Variants in MAFF observed in about 807,000 individuals in gnomAD.
The protein encoded by MAFF is MAF bZIP transcription factor F.
A neutral mutation model predicts 2.7 loss-of-function variants in MAFF; 4 were observed. That is an observed-to-expected ratio of 1.48 (90% CI 0.73 to 3.39). The LOEUF (loss-of-function observed/expected upper bound fraction) is 3.39. Ranked by LOEUF, MAFF falls within the 30% of genes most tolerant of loss-of-function variation. MAFF has a pLI of 0.01. For synonymous variants in MAFF, 113 were observed against 119.4 expected (o/e 0.95, Z 0.35); for missense variants, 190 against 246.6 (o/e 0.77, Z 1.54).
rs1178255992 is a variant in MAFF, at chr22:38,215,263, C to T, written c.*385C>T. 5.1e-6 allele frequency: 1 copy of T among 196,986 alleles called. No homozygotes were observed. The highest frequency in any genetic ancestry group is 2.4e-5 in the African/African-American group (1 of 42,060). The allele number at this position is 196,986 out of a possible 1,614,324, so 12.2% of individuals were successfully genotyped here. A position where few individuals can be genotyped will look rare whatever the true frequency, so the allele number is the denominator to read the frequency against. ...CTCCAAACCCTCCCAGGATTCAAAG[C>T]TAGGTTTGGCTGTCTGTGACTTACG... On this transcript the variant is annotated 3_prime_UTR_variant, in exon 3 of 3. Coordinates refer to ENST00000338483, the MANE Select transcript of MAFF (RefSeq NM_012323.4).
intron 1 of MAFF, among the ~76,000 whole-genome samples, chr22:38,210,652 G>T (rs1004040000): frequency 1.2e-4 from 18 of 151,644 alleles, no homozygotes; most frequent in Non-Finnish European, 2.2e-4. Flanking sequence ...GTGTGTGTGT[G>T]TGTGTGTGTC....
At chr22:38,207,921 G>A (rs1378664075) in intron 1 of MAFF, among the ~76,000 whole-genome samples, 3 of 152,118 alleles carry the variant, frequency 2.0e-5, no homozygotes, top group South Asian at 4.1e-4. Flanking sequence ...GGGAGGTGAC[G>A]GTGTGAAGGG....
chr22:38,210,623 A>AGAGTGTGT (rs149088492), intron 1 of MAFF, among the ~76,000 whole-genome samples: 4 of 132,920 alleles, frequency 3.0e-5, no homozygotes, highest in African/African-American at 5.7e-5. Flanking sequence ...GGACACAGGG[A>AGAGTGTGT]GTGTGTGTGT....
Position 38,210,835 on chromosome 22 carries a change from G to A in MAFF, c.-31-2988G>A, listed in dbSNP as rs576734876. On this transcript the variant is annotated intron_variant, in intron 1 of 2. Coordinates refer to ENST00000338483, the MANE Select transcript of MAFF (RefSeq NM_012323.4). ...AACACTTTGGGAGGCGGAGGCAGGCGGATCGCTTGAGCCAAGGAGTTCAAG... is the reference window on the plus strand; with the variant it reads ...AACACTTTGGGAGGCGGAGGCAGGCAGATCGCTTGAGCCAAGGAGTTCAAG... Among the ~76,000 whole-genome samples the A allele has an allele frequency of 1.6e-3, 246 of 152,150 alleles. 1 individual carries two copies. Among genetic ancestry groups the A allele is most frequent in the African/African-American group, 5.5e-3 (230 of 41,502 alleles).
chr22:38,211,504 C>T (rs576143147), intron 1 of MAFF, among the ~76,000 whole-genome samples: 3 of 143,566 alleles, frequency 2.1e-5, no homozygotes, highest in Admixed American at 7.0e-5. Context: ...GGATTACAGG[C>T]GTGAGCCACC....
chr22:38,208,029 G>C (rs982697483), intron 1 of MAFF, among the ~76,000 whole-genome samples: 2 of 152,162 alleles, frequency 1.3e-5, no homozygotes, highest in African/African-American at 4.8e-5. Context: ...CCTCCCCTTG[G>C]GTAAAGGGAG....
In MAFF at chr22:38,214,782, G is replaced by C; in HGVS notation, c.399G>C (p.Pro133=). 1.4e-6 allele frequency: 2 copies of C among 1,460,942 alleles called. No homozygotes were observed. The highest frequency in any genetic ancestry group is 9.0e-7 in the Non-Finnish European group (1 of 1,112,338). 90.5% of individuals were successfully genotyped at this position (1,460,942 alleles called of 1,614,324 possible). ...GCGGGCCCGCCACGCTCGTGGCGCCGGCCAGCGTCATCACCATCGTCAAGT... is the reference window on the plus strand; with the variant it reads ...GCGGGCCCGCCACGCTCGTGGCGCCCGCCAGCGTCATCACCATCGTCAAGT... ...AARGPATLVA[P]ASVITIVKST... is the part of the protein sequence containing the mutation. Residue 133 remains proline, a synonymous_variant, in exon 3 of 3, where the codon CCG becomes CCC. Transcript: ENST00000338483. This position sits in a 1 kb window ranked among gnomAD's most constrained non-coding sequence, Gnocchi z 6.3.
In MAFF at chr22:38,215,898, C is replaced by CT; in HGVS notation, c.*1021dup. 6.0e-6 allele frequency: 1 copy of CT among 167,288 alleles called. No individual in the cohort carries two copies. The highest frequency in any genetic ancestry group is 1.9e-4 in the East Asian group (1 of 5,188). The allele number at this position is 167,288 out of a possible 1,614,324, so 10.4% of individuals were successfully genotyped here. A position where few individuals can be genotyped will look rare whatever the true frequency, so the allele number is the denominator to read the frequency against. On this transcript the variant is annotated 3_prime_UTR_variant, in exon 3 of 3. Transcript: ENST00000338483. ...CCCAGTCTCAGTCCCTCCCCCAACACTGTCCACACTGCCCCTCCCCACTGT... is the reference window on the plus strand; with the variant it reads ...CCCAGTCTCAGTCCCTCCCCCAACACTTGTCCACACTGCCCCTCCCCACTGT...
chr22:38,209,702 A>G (rs951117711), intron 1 of MAFF, among the ~76,000 whole-genome samples: 3 of 150,280 alleles, frequency 2.0e-5, no homozygotes, highest in Admixed American at 1.3e-4. Context: ...AGTCCCAGCT[A>G]TTCAGGAGGC....
chr22:38,214,822 G>C lies in MAFF; in HGVS notation c.439G>C (p.Gly147Arg). 1 of 1,493,704 alleles carries C rather than the reference G, an allele frequency of 6.7e-7. No individual in the cohort carries two copies. Among genetic ancestry groups the C allele is most frequent in the Non-Finnish European group, 8.9e-7 (1 of 1,126,968 alleles). The allele number at this position is 1,493,704 out of a possible 1,614,324, so 92.5% of individuals were successfully genotyped here. A position where few individuals can be genotyped will look rare whatever the true frequency, so the allele number is the denominator to read the frequency against. ...ITIVKSTPGS[G>R]SGPAHGPDPA... ...CATCGTCAAGTCCACCCCGGGCTCG[G>C]GGTCTGGCCCCGCCCACGGCCCGGA... The change falls in exon 3 of 3, where the codon GGG (glycine) becomes CGG (arginine). Residue 147 changes from glycine to arginine, a missense_variant. Gly to Arg is a moderately radical substitution (Grantham distance 125, BLOSUM62 -2). Around this residue, in one of 2 missense-constraint regions of MAFF, gnomAD observed 103 missense variants for 103.0 expected, o/e 1.00. Transcript: ENST00000338483. The surrounding 1 kb of genome is among the most constrained non-coding windows in gnomAD (Gnocchi z 6.3).
intron 1 of MAFF, among the ~76,000 whole-genome samples, chr22:38,210,336 T>TGTGG (rs2091088704): frequency 6.6e-6 from 1 of 152,100 alleles, no homozygotes; most frequent in Non-Finnish European, 1.5e-5. Flanking sequence ...CCCCTGACTG[T>TGTGG]GTGGGCTGGG....
At chr22:38,207,759 G>A (rs919182087) in intron 1 of MAFF, among the ~76,000 whole-genome samples, 24 of 152,032 alleles carry the variant, frequency 1.6e-4, no homozygotes, top group Admixed American at 1.3e-4. Flanking sequence ...CACTGCACCC[G>A]GCTAATCTTT....
intron 1 of MAFF, among the ~76,000 whole-genome samples, chr22:38,207,754 C>T (rs906782948): frequency 1.3e-5 from 2 of 152,084 alleles, no homozygotes; most frequent in African/African-American, 4.8e-5. Flanking sequence ...TGCACCACTG[C>T]ACCCGGCTAA....
At chr22:38,209,395 G>A (rs919959762) in intron 1 of MAFF, among the ~76,000 whole-genome samples, 8 of 152,132 alleles carry the variant, frequency 5.3e-5, no homozygotes, top group African/African-American at 1.9e-4. Context: ...CTGGCTGGTG[G>A]CATGGTCAGA....
chr22:38,203,192 G>A (rs1437397236), intron 1 of MAFF: 1 of 152,370 alleles, frequency 6.6e-6, no homozygotes, highest in African/African-American at 2.4e-5. Flanking sequence ...TCAGTCCCAT[G>A]AGAACAGGAA....
chr22:38,207,070 C>G (rs1401989886), intron 1 of MAFF, among the ~76,000 whole-genome samples: 1 of 152,134 alleles, frequency 6.6e-6, no homozygotes, highest in Non-Finnish European at 1.5e-5. Context: ...CAGGGCCACA[C>G]AGGGAGGAGG....
intron 1 of MAFF, among the ~76,000 whole-genome samples, chr22:38,209,854 G>T (rs1306026064): frequency 6.7e-6 from 1 of 150,312 alleles, no homozygotes; most frequent in African/African-American, 2.5e-5. Flanking sequence ...AAAAAGGCCT[G>T]CATTGAAAGG....
At chr22:38,212,060 C>T (rs1045757018) in intron 1 of MAFF, among the ~76,000 whole-genome samples, 1 of 152,100 alleles carries the variant, frequency 6.6e-6, no homozygotes, top group African/African-American at 2.4e-5. Context: ...AGTGCAGTGG[C>T]GCAATCTCGG....
intron 2 of MAFF, 66 bp downstream of exon 2, chr22:38,213,955 C>T (rs2091122567): frequency 1.3e-6 from 2 of 1,536,404 alleles, no homozygotes; most frequent in Non-Finnish European, 9.0e-7. Context: ...GCCTCCTCAT[C>T]CCAACTTCCC....
Sources: allele counts gnomAD v4.1 joint callset (sites outside exome capture counted in the v4.1 genomes callset), GRCh38; gene constraint gnomAD v4.1.1; regional missense constraint gnomAD v4.1.1; non-coding constraint Gnocchi (gnomAD v3.1); transcripts MANE v1.5; gene names NCBI Gene and HGNC (gene_info 2026-07-23, HGNC 2026-07-21).